Variants in CRB1 observed in about 807,000 individuals in gnomAD.
CRB1 encodes protein crumbs homolog 1.
Under a neutral mutation model 120.0 loss-of-function variants are expected in CRB1, and 83 were observed. That is an observed-to-expected ratio of 0.69 (90% CI 0.58 to 0.83). The LOEUF (loss-of-function observed/expected upper bound fraction) is 0.83, where lower values mean the gene tolerates loss of function less well. Ranked by LOEUF, CRB1 falls within the 40% of genes least tolerant of loss-of-function variation. CRB1 has a pLI of 0.00. For missense variants in CRB1, 1,699 were observed against 1,687.6 expected (o/e 1.01, Z -0.12); for synonymous variants, 625 against 612.5 (o/e 1.02, Z -0.30).
chr1:197,465,422 C>T (rs539084295), intron 11 of CRB1, among the ~76,000 whole-genome samples: 34 of 151,992 alleles, frequency 2.2e-4, no homozygotes, highest in Middle Eastern at 3.4e-3. Context: ...ACTTTAAAAC[C>T]TATAGACTTT....
intron 9 of CRB1, 33 bp downstream of exon 9, chr1:197,435,645 T>C: frequency 6.4e-7 from 1 of 1,567,482 alleles, no homozygotes; most frequent in Non-Finnish European, 8.7e-7. Context: ...GCTTGGTCTT[T>C]GAAGCTATAC....
At chr1:197,395,876 C>T (rs1353496046) in intron 5 of CRB1, among the ~76,000 whole-genome samples, 1 of 152,206 alleles carries the variant, frequency 6.6e-6, no homozygotes, top group Non-Finnish European at 1.5e-5. Context: ...TACAAAAAAA[C>T]CTAGAGCTAA....
chr1:197,361,482 C>A (rs1660765212), intron 5 of CRB1, among the ~76,000 whole-genome samples: 1 of 151,696 alleles, frequency 6.6e-6, no homozygotes, highest in Non-Finnish European at 1.5e-5. Context: ...AGGGATTGGT[C>A]CTTTTTTTTT....
At chr1:197,222,345 GCTGCATTGTCCATGGC>G in the CRB1 span, 3 of 745,920 alleles carry the variant, frequency 4.0e-6, no homozygotes, top group Admixed American at 5.2e-5. Flanking sequence ...CCCAGACGTG[GCTGCATTGTCCATGGC>G]CTTCTCTGTG....
intron 11 of CRB1, among the ~76,000 whole-genome samples, chr1:197,452,155 C>T (rs984071956): frequency 6.6e-5 from 10 of 152,206 alleles, no homozygotes; most frequent in African/African-American, 2.4e-4. Context: ...TTAGACTCTA[C>T]AAGTATCCCG....
rs572252803 is a variant in CRB1, at chr1:197,320,077, T to C, written c.71-8345T>C. Among the ~76,000 whole-genome samples, 3 of 152,346 alleles carry C rather than the reference T, an allele frequency of 2.0e-5. No homozygotes were observed. The South Asian group carries it at 6.2e-4, about 32-fold the overall frequency. On this transcript the variant is annotated intron_variant, in intron 1 of 11. Transcript: ENST00000367400. ...GGCCTTAGCCAATCAGCTCTTAGGC[T>C]CCTTCACTTCAGGAAATAATTGATA...
Position 197,300,576 on chromosome 1 carries a change from T to A in CRB1, c.71-27846T>A, listed in dbSNP as rs565356734. On this transcript the variant is annotated intron_variant, in intron 1 of 11. Transcript: ENST00000367400. ...GCTAGCAGAGGTTGGTTCATAAGGT[T>A]TAAGGGAAGAAGCCATCTCCATAAC... 1.9e-3 allele frequency among the ~76,000 whole-genome samples: 287 copies of A among 152,216 alleles called. 4 individuals carry two copies. Among genetic ancestry groups the A allele is most frequent in the African/African-American group, 6.6e-3 (274 of 41,526 alleles).
At chr1:197,465,098 A>T (rs1666696382) in intron 11 of CRB1, among the ~76,000 whole-genome samples, 2 of 152,196 alleles carry the variant, frequency 1.3e-5, no homozygotes, top group Non-Finnish European at 2.9e-5. Flanking sequence ...TATAACACAG[A>T]CTTAGAGATC....
the CRB1 span, among the ~76,000 whole-genome samples, chr1:197,237,287 A>G: frequency 6.6e-6 from 1 of 152,232 alleles, no homozygotes; most frequent in Non-Finnish European, 1.5e-5. Flanking sequence ...TGTATAAACA[A>G]TAGAAATTTA....
intron 11 of CRB1, among the ~76,000 whole-genome samples, chr1:197,473,330 G>A (rs1667060280): frequency 6.6e-6 from 1 of 152,154 alleles, no homozygotes; most frequent in Non-Finnish European, 1.5e-5. Flanking sequence ...TATGGTGCTA[G>A]CACATTCCAG....
chr1:197,434,107 G>T (rs1235945483), intron 8 of CRB1, among the ~76,000 whole-genome samples: 1 of 152,138 alleles, frequency 6.6e-6, no homozygotes, highest in East Asian at 1.9e-4. Flanking sequence ...GGTTGTATAT[G>T]AAAGTACTTG....
At chr1:197,404,673 T>C (rs543995764) in intron 5 of CRB1, among the ~76,000 whole-genome samples, 1 of 152,348 alleles carries the variant, frequency 6.6e-6, no homozygotes, top group African/African-American at 2.4e-5. Context: ...TAATGGGATA[T>C]TGACAGTAAC....
At chr1:197,207,997 G>A in the CRB1 span, among the ~76,000 whole-genome samples, 1 of 151,792 alleles carries the variant, frequency 6.6e-6, no homozygotes, top group Non-Finnish European at 1.5e-5. Context: ...TCTTCTACCT[G>A]TTCAATTCTA....
intron 5 of CRB1, among the ~76,000 whole-genome samples, chr1:197,374,459 C>G (rs906030696): frequency 6.6e-6 from 1 of 152,124 alleles, no homozygotes; most frequent in Non-Finnish European, 1.5e-5. Flanking sequence ...CCCTGCATGC[C>G]ATTGTGCTCT....
intron 8 of CRB1, among the ~76,000 whole-genome samples, chr1:197,430,624 T>G (rs1664826185): frequency 6.6e-6 from 1 of 152,190 alleles, no homozygotes; most frequent in South Asian, 2.1e-4. Flanking sequence ...ACAGGTCACC[T>G]TTGTCACTTC....
chr1:197,326,728 T>A (rs1433582171), intron 1 of CRB1, among the ~76,000 whole-genome samples: 1 of 152,082 alleles, frequency 6.6e-6, no homozygotes, highest in Admixed American at 6.5e-5. Context: ...AGAACCTTTT[T>A]AATTCAATTT....
At chr1:197,458,805 A>C (rs768535773) in intron 11 of CRB1, among the ~76,000 whole-genome samples, 2 of 152,148 alleles carry the variant, frequency 1.3e-5, no homozygotes, top group Non-Finnish European at 2.9e-5. Flanking sequence ...CAAGGAAACT[A>C]TAATCTAGCT....
At chr1:197,305,083 A>T (rs555945736) in intron 1 of CRB1, among the ~76,000 whole-genome samples, 40 of 152,272 alleles carry the variant, frequency 2.6e-4, no homozygotes, top group Admixed American at 1.6e-3. Flanking sequence ...ATTTCTACTT[A>T]AAATACTTAG....
In CRB1 at chr1:197,435,140, C is replaced by T. The variant is rs1051901493; in HGVS notation, c.3277C>T (p.Leu1093=). 6.2e-7 allele frequency: 1 copy of T among 1,613,896 alleles called. No homozygotes were observed. The highest frequency in any genetic ancestry group is 1.7e-5 in the Admixed American group (1 of 59,962). ...CAGAGCTATTGACAATATAAAGGGC[C>T]TGCAAGGGTGTCTAAGTACAATAGA... ...GDRAIDNIKG[L]QGCLSTIEIG... The change falls in exon 9 of 12, where the codon CTG becomes TTG. Residue 1093 remains leucine, a synonymous_variant. Transcript: ENST00000367400.
Sources: allele counts gnomAD v4.1 joint callset (sites outside exome capture counted in the v4.1 genomes callset), GRCh38; gene constraint gnomAD v4.1.1; transcripts MANE v1.5; gene names NCBI Gene and HGNC (gene_info 2026-07-23, HGNC 2026-07-21).